The following CLOCK variants were observed in gnomAD, a reference collection of about 807,000 sequenced individuals.
CLOCK encodes the protein circadian locomoter output cycles protein kaput.
In CLOCK, 43 loss-of-function variants were observed where a neutral mutation model predicts 118.4. The ratio of observed to expected loss-of-function variants is 0.36; its 90% CI spans 0.28 to 0.47. The LOEUF (loss-of-function observed/expected upper bound fraction) is 0.47. Ranked by LOEUF, CLOCK falls within the 20% of genes least tolerant of loss-of-function variation. The pLI is 1.00. For synonymous variants in CLOCK, 326 were observed against 339.2 expected (o/e 0.96, Z 0.43); for missense variants, 846 against 999.9 (o/e 0.85, Z 2.08).
chr4:55,449,591 TTTGAA>T (rs1475461752), intron 16 of CLOCK, 95 bp from the exon 17 acceptor site: 1 of 1,060,460 alleles, frequency 9.4e-7, no homozygotes, highest in African/African-American at 1.6e-5. Context: ...AAAAATGGCT[TTTGAA>T]TTATTTTTCC....
In CLOCK at chr4:55,433,337, AG is replaced by A. The variant is rs1485725735; in HGVS notation, c.*2077del. On this transcript the variant is annotated 3_prime_UTR_variant, in exon 23 of 23. Transcript: ENST00000513440. ...TATCTAGTCACACTTCTTTTGTAGA[AG>A]GGTAAGTACCAATTTTCTTTGGTTG... 3 of 152,616 alleles carry A rather than the reference AG, an allele frequency of 2.0e-5. No homozygotes were observed. The highest frequency in any genetic ancestry group is 4.4e-5 in the Non-Finnish European group (3 of 68,034). The allele number at this position is 152,616 out of a possible 1,614,324, so 9.5% of individuals were successfully genotyped here.
At chr4:55,498,842 A>AC (rs1728255335) in intron 2 of CLOCK, among the ~76,000 whole-genome samples, 1 of 152,208 alleles carries the variant, frequency 6.6e-6, no homozygotes, top group Non-Finnish European at 1.5e-5. Flanking sequence ...GGTTTCACAG[A>AC]ATCCAACATG....
Position 55,462,137 on chromosome 4 carries a change from C to A in CLOCK, c.559+1548G>T, listed in dbSNP as rs145185235. Reference sequence around the variant, plus strand: ...TTAAGACTTTTCTTAAGTATTCTTGCCATTTTCATTTCTGTTCTTGGAAGC... The same window carrying A: ...TTAAGACTTTTCTTAAGTATTCTTGACATTTTCATTTCTGTTCTTGGAAGC... On this transcript the variant is annotated intron_variant, in intron 9 of 22. Coordinates refer to ENST00000513440, the MANE Select transcript of CLOCK (RefSeq NM_004898.4). Among the ~76,000 whole-genome samples the A allele has an allele frequency of 2.8e-3, 425 of 152,270 alleles. 2 individuals are homozygous for A. The highest frequency in any genetic ancestry group is 0.01 in the African/African-American group (420 of 41,568).
intron 4 of CLOCK, among the ~76,000 whole-genome samples, chr4:55,480,255 GTTTTTCCTTC>G (rs1726826707): frequency 6.6e-6 from 1 of 152,080 alleles, no homozygotes; most frequent in Non-Finnish European, 1.5e-5. Context: ...CTTTCCTACA[GTTTTTCCTTC>G]TTTTTCCTTT....
At chr4:55,506,891 G>A (rs2110012275) in intron 2 of CLOCK, among the ~76,000 whole-genome samples, 1 of 152,274 alleles carries the variant, frequency 6.6e-6, no homozygotes, top group East Asian at 1.9e-4. Flanking sequence ...GCTTTATAAT[G>A]AGGAGGTTTC....
chr4:55,491,522 T>C (rs895887096), intron 2 of CLOCK, among the ~76,000 whole-genome samples: 3 of 140,734 alleles, frequency 2.1e-5, no homozygotes, highest in Admixed American at 7.0e-5. Context: ...AATAAAAAAG[T>C]ATTTTTTTGA....
intron 1 of CLOCK, among the ~76,000 whole-genome samples, chr4:55,543,130 C>T (rs898090740): frequency 6.6e-6 from 1 of 152,146 alleles, no homozygotes; most frequent in Admixed American, 6.5e-5. Flanking sequence ...GTTGCCCAGG[C>T]TGGTCCTGAA....
chr4:55,522,153 C>T (rs2110064388), intron 1 of CLOCK, among the ~76,000 whole-genome samples: 1 of 152,008 alleles, frequency 6.6e-6, no homozygotes, highest in East Asian at 1.9e-4. Context: ...AATATGAAGG[C>T]AAAACATATC....
intron 2 of CLOCK, among the ~76,000 whole-genome samples, chr4:55,507,521 G>A (rs575723148): frequency 1.1e-4 from 16 of 152,152 alleles, no homozygotes; most frequent in Admixed American, 5.2e-4. Context: ...GTTGAGGCAC[G>A]AGAATCACTT....
In CLOCK at chr4:55,435,352, T is replaced by G. The variant is rs910407733; in HGVS notation, c.*63A>C. 2.5e-6 allele frequency: 4 copies of G among 1,585,072 alleles called. No individual in the cohort carries two copies. In the African/African-American group the frequency reaches 5.4e-5, roughly 21 times the overall value. ...AACTTTCCCTCCTTTCCTCAGGTCA[T>G]CTGAGTAACTCTTAATGGGCCATCC... On this transcript the variant is annotated 3_prime_UTR_variant, in exon 23 of 23. Coordinates refer to ENST00000513440, the MANE Select transcript of CLOCK (RefSeq NM_004898.4).
At chr4:55,524,603 T>C (rs1000141496) in intron 1 of CLOCK, among the ~76,000 whole-genome samples, 2 of 152,212 alleles carry the variant, frequency 1.3e-5, no homozygotes, top group African/African-American at 4.8e-5. Flanking sequence ...GACCTAGTTT[T>C]ACTTTTTTAT....
At chr4:55,492,615 T>C (rs918681515) in intron 2 of CLOCK, among the ~76,000 whole-genome samples, 2 of 151,918 alleles carry the variant, frequency 1.3e-5, no homozygotes, top group Non-Finnish European at 2.9e-5. Flanking sequence ...GAGGCTAAGG[T>C]GGGTAGATCA....
intron 21 of CLOCK, among the ~76,000 whole-genome samples, chr4:55,440,410 G>A (rs1723268895): frequency 1.3e-5 from 2 of 152,090 alleles, no homozygotes; most frequent in Non-Finnish European, 2.9e-5. Context: ...ATTTCCATTT[G>A]CCTTTTCTGT....
intron 17 of CLOCK, 81 bp downstream of exon 17, chr4:55,449,311 CAAAT>C (rs1484821375): frequency 2.3e-5 from 29 of 1,236,070 alleles, no homozygotes; most frequent in Non-Finnish European, 3.2e-5. Context: ...AGAGGGGTGA[CAAAT>C]AGATGAATTT....
At chr4:55,533,270 A>T (rs1730672122) in intron 1 of CLOCK, among the ~76,000 whole-genome samples, 1 of 152,152 alleles carries the variant, frequency 6.6e-6, no homozygotes, top group Non-Finnish European at 1.5e-5. Flanking sequence ...TACTGACATA[A>T]ATACAGAGCT....
Position 55,430,250 on chromosome 4 carries a change from C to T in CLOCK, c.*5165G>A, listed in dbSNP as rs1374862303. 1 of 152,122 alleles carries T rather than the reference C, an allele frequency of 6.6e-6. No homozygotes were observed. The highest frequency in any genetic ancestry group is 2.4e-5 in the African/African-American group (1 of 41,430). 9.4% of individuals were successfully genotyped at this position (152,122 alleles called of 1,614,324 possible). ...GATGGAATTTCACTTAGTTGTCTCT[C>T]CATAAACTATATCCTATTCCACTAA... On this transcript the variant is annotated 3_prime_UTR_variant, in exon 23 of 23. Transcript: ENST00000513440.
At chr4:55,517,749 G>C (rs998487709) in intron 1 of CLOCK, among the ~76,000 whole-genome samples, 2 of 152,070 alleles carry the variant, frequency 1.3e-5, no homozygotes, top group African/African-American at 4.8e-5. Flanking sequence ...TTTTTGGGGA[G>C]TTTCAGAATT....
Position 55,455,813 on chromosome 4 carries a change from CTG to C in CLOCK, c.982+82_982+83del, listed in dbSNP as rs2109786377. 10 of 953,242 alleles carry C rather than the reference CTG, an allele frequency of 1.0e-5. 1 individual carries two copies. The South Asian group carries it at 1.3e-4, about 13-fold the overall frequency. The allele number at this position is 953,242 out of a possible 1,614,324, so 59.0% of individuals were successfully genotyped here. On this transcript the variant is annotated intron_variant, in intron 13 of 22. Coordinates refer to ENST00000513440, the MANE Select transcript of CLOCK (RefSeq NM_004898.4). ...CAAAAATATGAAAATGATTATAAAT[CTG>C]TGTCTTACTACCTATCATTTCAGGA...
At chr4:55,534,331 TCAGA>T (rs759789242) in intron 1 of CLOCK, among the ~76,000 whole-genome samples, 1 of 151,914 alleles carries the variant, frequency 6.6e-6, no homozygotes, top group Non-Finnish European at 1.5e-5. Flanking sequence ...GATATCAAAA[TCAGA>T]CAAAGATACC....
Sources: gnomAD v4.1 joint callset for allele counts (sites outside exome capture counted in the v4.1 genomes callset) on GRCh38, gnomAD v4.1.1 for gene constraint, MANE v1.5 for transcripts, NCBI Gene and HGNC (gene_info 2026-07-23, HGNC 2026-07-21) for gene names.